ZC3H18: variants seen among roughly 807,000 people sequenced by gnomAD.
ZC3H18 encodes the protein zinc finger CCCH-type containing 18.
A neutral mutation model predicts 106.1 loss-of-function variants in ZC3H18; 8 were observed. That is an observed-to-expected ratio of 0.08 (90% CI 0.04 to 0.14). The LOEUF is 0.14. ZC3H18 is among the 10% of genes least tolerant of loss of function. ZC3H18 has a pLI of 1.00. For synonymous variants in ZC3H18, 635 were observed against 522.1 expected, an observed-to-expected ratio of 1.22 and a Z score of -2.95; for missense variants, 1,318 against 1,278.4, an observed-to-expected ratio of 1.03 and a Z score of -0.47.
chr16:88,590,249 C>T (rs1377607443), intron 3 of ZC3H18, among the ~76,000 whole-genome samples: 4 of 152,140 alleles, frequency 2.6e-5, no homozygotes, highest in African/African-American at 9.7e-5. Context: ...ACTGCTCAGG[C>T]CTCTCTTAGC....
rs751577786 is a variant in ZC3H18, at chr16:88,624,732, AC to A, written c.2037del (p.Arg680GlyfsTer5). 5.0e-6 allele frequency: 8 copies of A among 1,608,322 alleles called. No homozygotes were observed. The highest frequency in any genetic ancestry group is 2.2e-5 in the East Asian group (1 of 44,590). ...CAGGAGGAAGGAGCGGCCAGCCAGG[AC>A]CCCCCCCAGGAGGTGAGCACTCCGG... is the stretch of plus-strand genomic sequence containing the variant. ...EARRKERPAR[T>X]PPRRRTLSGS... On this transcript the variant is annotated frameshift_variant, in exon 12 of 18. Coordinates refer to ENST00000301011, the MANE Select transcript of ZC3H18 (RefSeq NM_144604.4). LOFTEE classifies it high-confidence loss of function.
At chr16:88,624,194 G>C (rs527461082) in intron 11 of ZC3H18, 132 bp downstream of exon 11, 2 of 1,275,814 alleles carry the variant, frequency 1.6e-6, no homozygotes, top group South Asian at 1.4e-5. Context: ...CTGGCCCCAG[G>C]GGGTGACTGG....
At chr16:88,571,395 G>C (rs978891198) in intron 1 of ZC3H18, among the ~76,000 whole-genome samples, 1 of 152,190 alleles carries the variant, frequency 6.6e-6, no homozygotes, top group Non-Finnish European at 1.5e-5. Flanking sequence ...CATGTCTCCT[G>C]TTAGACTCAC....
intron 15 of ZC3H18, 78 bp downstream of exon 15, chr16:88,628,197 T>C (rs1265380008): frequency 7.9e-5 from 122 of 1,537,276 alleles, no homozygotes; most frequent in Non-Finnish European, 1.0e-4. Context: ...AGCTTCCTCC[T>C]GGGGGACGGA....
intron 1 of ZC3H18, among the ~76,000 whole-genome samples, chr16:88,574,030 T>A (rs1292454469): frequency 6.6e-6 from 1 of 151,728 alleles, no homozygotes; most frequent in Non-Finnish European, 1.5e-5. Context: ...CCCACCACCA[T>A]GCCCAGCTAA....
intron 8 of ZC3H18, among the ~76,000 whole-genome samples, chr16:88,619,696 G>T (rs79971490): frequency 6.6e-6 from 1 of 152,128 alleles, no homozygotes; most frequent in Non-Finnish European, 1.5e-5. Flanking sequence ...GCAAGCAGAC[G>T]CTGTTTTTCC....
At chr16:88,611,622 T>G in intron 8 of ZC3H18, 86 bp downstream of exon 8, 2 of 1,482,396 alleles carry the variant, frequency 1.3e-6, no homozygotes, top group Non-Finnish European at 1.8e-6. Flanking sequence ...GCGCTTCCCC[T>G]CTGTGGCCCA....
At chr16:88,620,484 G>A (rs1484815655) in intron 8 of ZC3H18, among the ~76,000 whole-genome samples, 1 of 152,054 alleles carries the variant, frequency 6.6e-6, no homozygotes, top group Admixed American at 6.5e-5. Context: ...AAGAGGCTGA[G>A]GTGGGAGGAT....
intron 15 of ZC3H18, 68 bp from the exon 16 acceptor site, chr16:88,628,690 C>T (rs1567601275): frequency 7.7e-6 from 12 of 1,564,110 alleles, no homozygotes; most frequent in Non-Finnish European, 1.1e-5. Flanking sequence ...AACCCATGTC[C>T]TCTGGGGCGA....
chr16:88,591,596 A>AATATTTGTTAG (rs1302482224), intron 3 of ZC3H18, among the ~76,000 whole-genome samples: 1 of 152,020 alleles, frequency 6.6e-6, no homozygotes, highest in African/African-American at 2.4e-5. Context: ...AAGATTGACC[A>AATATTTGTTAG]ATATTTGTTA....
Position 88,609,036 on chromosome 16 carries a change from G to T in ZC3H18, c.1191G>T (p.Pro397=), listed in dbSNP as rs149949962. The T allele has an allele frequency of 1.1e-3, 1,850 of 1,612,496 alleles. 2 individuals carry two copies. Among genetic ancestry groups the T allele is most frequent in the Middle Eastern group, 2.3e-3 (14 of 6,056 alleles). ...GGGTGCAGTATACAGAAACAGAGCC[G>T]TATCATAATTACCGAGTAAGTATGA... The part of the protein sequence containing the change: ...NFRVQYTETE[P]YHNYRERERE... The change falls in exon 7 of 18, where the codon CCG becomes CCT. Residue 397 remains proline (P), a synonymous_variant. Transcript: ENST00000301011.
At chr16:88,595,328 T>C (rs1375041426) in intron 3 of ZC3H18, among the ~76,000 whole-genome samples, 1 of 152,230 alleles carries the variant, frequency 6.6e-6, no homozygotes, top group Non-Finnish European at 1.5e-5. Flanking sequence ...TCTTCTGGCC[T>C]GAGGCCATGT....
chr16:88,627,495 A>G lies in ZC3H18; in HGVS notation c.2109-127A>G, dbSNP rs1906383188. On this transcript the variant is annotated intron_variant, in intron 13 of 17. Transcript: ENST00000301011. This position sits in a 1 kb window ranked among gnomAD's most constrained non-coding sequence, Gnocchi z 4.5. ...CCTGAAACTGCCCAGTGTCCCCCCA[A>G]AATCACACATTCCGTGGGTACATGA... The G allele has an allele frequency of 3.0e-6, 4 of 1,345,504 alleles. No homozygotes were observed. The highest frequency in any genetic ancestry group is 4.8e-5 in the Admixed American group (2 of 41,684). The allele number at this position is 1,345,504 out of a possible 1,614,324, so 83.3% of individuals were successfully genotyped here.
chr16:88,618,798 T>G (rs1002068333), intron 8 of ZC3H18, among the ~76,000 whole-genome samples: 7 of 152,192 alleles, frequency 4.6e-5, no homozygotes, highest in African/African-American at 1.7e-4. Flanking sequence ...TCCCCTGCGG[T>G]TGGAAGTGTT....
intron 3 of ZC3H18, among the ~76,000 whole-genome samples, chr16:88,595,257 C>T (rs1318673431): frequency 6.6e-6 from 1 of 152,222 alleles, no homozygotes; most frequent in Non-Finnish European, 1.5e-5. Flanking sequence ...AGTACTTAGA[C>T]ATTTCAGCAG....
rs1224340166 is a variant in ZC3H18, at chr16:88,598,261, G to A, written c.772G>A (p.Asp258Asn). The change falls in exon 4 of 18, where the codon GAC becomes AAC. Residue 258 changes from aspartate to asparagine, a missense_variant. This residue lies in a region of ZC3H18 where 78 missense variants were observed against 67.3 expected (regional missense o/e 1.16). Transcript: ENST00000301011. ...GAACTACTCCCTAATCACCAAAGCCGACCCCTTCCCGCCTAATGGTGCCCC... is the reference window on the plus strand; with the variant it reads ...GAACTACTCCCTAATCACCAAAGCCAACCCCTTCCCGCCTAATGGTGCCCC... The part of the protein sequence containing the change: ...KGNYSLITKA[D>N]PFPPNGAPPL... The A allele has an allele frequency of 4.3e-6, 7 of 1,613,434 alleles. No individual in the cohort carries two copies. The highest frequency in any genetic ancestry group is 1.1e-5 in the South Asian group (1 of 91,024).
chr16:88,595,525 G>T (rs1904388252), intron 3 of ZC3H18, among the ~76,000 whole-genome samples: 1 of 144,918 alleles, frequency 6.9e-6, no homozygotes. Flanking sequence ...ATGAAAGTAA[G>T]GCTGGGGACG....
In ZC3H18 at chr16:88,627,535, C is replaced by G. The variant is rs933521603; in HGVS notation, c.2109-87C>G. ...TGGGTACATGATCCATAAATGGACA[C>G]TGCGTAAAAGTGGACCATGGAGCAC... is the stretch of plus-strand genomic sequence containing the variant. On this transcript the variant is annotated intron_variant, in intron 13 of 17. Coordinates refer to ENST00000301011, the MANE Select transcript of ZC3H18 (RefSeq NM_144604.4). This position sits in a 1 kb window ranked among gnomAD's most constrained non-coding sequence, Gnocchi z 4.5. 4 of 1,501,070 alleles carry G rather than the reference C, an allele frequency of 2.7e-6. No homozygotes were observed. Among genetic ancestry groups the G allele is most frequent in the African/African-American group, 1.4e-5 (1 of 71,830 alleles). 93.0% of individuals were successfully genotyped at this position (1,501,070 alleles called of 1,614,324 possible).
rs1430999960 is a variant in ZC3H18, at chr16:88,577,394, G to A, written c.271G>A (p.Gly91Ser). Residue 91 changes from glycine to serine, a missense_variant, in exon 2 of 18, where the codon GGC becomes AGC. Around this residue, in one of 6 missense-constraint regions of ZC3H18, gnomAD observed 346 missense variants for 269.0 expected, o/e 1.29. Coordinates refer to ENST00000301011, the MANE Select transcript of ZC3H18 (RefSeq NM_144604.4). ...QDSEVNELSR[G>S]PTSSPCEEEG... The stretch of plus-strand genomic sequence containing the variant: ...CTCAGAGGTGAATGAGCTGAGCCGG[G>A]GCCCGACCAGCTCCCCCTGCGAGGA... 1 of 1,598,140 alleles carries A rather than the reference G, an allele frequency of 6.3e-7. No individual in the cohort carries two copies.
Sources: allele counts gnomAD v4.1 joint callset (sites outside exome capture counted in the v4.1 genomes callset), GRCh38; gene constraint gnomAD v4.1.1; regional missense constraint gnomAD v4.1.1; non-coding constraint Gnocchi (gnomAD v3.1); transcripts MANE v1.5; gene names NCBI Gene and HGNC (gene_info 2026-07-23, HGNC 2026-07-21).